The following PHF21B variants were observed in gnomAD, a reference collection of about 807,000 sequenced individuals.
PHF21B encodes PHD finger protein 4.
In PHF21B, 22 loss-of-function variants were observed where a neutral mutation model predicts 62.2. The observed-to-expected ratio is 0.35, with a 90% CI of 0.25 to 0.51. The LOEUF is 0.51. Ranked by LOEUF, PHF21B falls within the 20% of genes least tolerant of loss-of-function variation. The probability of loss-of-function intolerance (pLI) is 0.97; values close to 1 mark genes in which losing one functional copy is unlikely to be tolerated. For synonymous variants in PHF21B, 341 were observed against 314.7 expected (o/e 1.08, Z -0.88); for missense variants, 701 against 707.9 (o/e 0.99, Z 0.11).
At chr22:44,914,194 C>T (rs922342341) in intron 4 of PHF21B, 106 bp from the exon 5 acceptor site, 46 of 576,592 alleles carry the variant, frequency 8.0e-5, no homozygotes, top group Non-Finnish European at 1.2e-4. Flanking sequence ...AGAGCCTGGG[C>T]CAGGCCAACC....
chr22:44,992,563 C>A (rs1380848214), intron 2 of PHF21B, among the ~76,000 whole-genome samples: 1 of 152,260 alleles, frequency 6.6e-6, no homozygotes, highest in Non-Finnish European at 1.5e-5. Flanking sequence ...GTGTGTCTTC[C>A]ACAGGCTGGA....
intron 2 of PHF21B, among the ~76,000 whole-genome samples, chr22:44,937,933 TG>T (rs1601619701): frequency 6.6e-6 from 1 of 152,384 alleles, no homozygotes; most frequent in East Asian, 1.9e-4. Context: ...ATCGCGCAGG[TG>T]CAGAATTTTC....
chr22:44,971,540 C>T (rs2072638448), intron 2 of PHF21B: 1 of 152,598 alleles, frequency 6.6e-6, no homozygotes, highest in African/African-American at 2.4e-5. Context: ...CCTTTGCTCT[C>T]CCGGGTACCT....
chr22:44,989,508 T>C (rs1344229590), intron 2 of PHF21B: 1 of 150,784 alleles, frequency 6.6e-6, no homozygotes, highest in Non-Finnish European at 1.5e-5. Context: ...AACGAGGAAA[T>C]CAGTCCCCTG....
chr22:44,970,998 A>G (rs2072626149), intron 2 of PHF21B: 1 of 152,206 alleles, frequency 6.6e-6, no homozygotes, highest in Non-Finnish European at 1.5e-5. Flanking sequence ...TCCTCCTCCA[A>G]CCCAGCGGTG....
chr22:44,932,290 C>T (rs2071757955), intron 2 of PHF21B, among the ~76,000 whole-genome samples: 1 of 152,180 alleles, frequency 6.6e-6, no homozygotes, highest in Admixed American at 6.5e-5. Flanking sequence ...CTCTCTTGAG[C>T]CTGAGGTAAG....
intron 2 of PHF21B, among the ~76,000 whole-genome samples, chr22:44,931,590 A>C (rs112965153): frequency 6.7e-6 from 1 of 149,460 alleles, no homozygotes; most frequent in Non-Finnish European, 1.5e-5. Context: ...TTAGCAAAAA[A>C]ACACACACTC....
At chr22:44,905,401 T>TAAA (rs2071230352) in intron 5 of PHF21B, among the ~76,000 whole-genome samples, 2 of 152,246 alleles carry the variant, frequency 1.3e-5, no homozygotes, top group Non-Finnish European at 2.9e-5. Context: ...TTTTATATCC[T>TAAA]TGGTTTTTGT....
chr22:44,929,113 T>C (rs913797674), intron 2 of PHF21B, among the ~76,000 whole-genome samples: 5 of 152,252 alleles, frequency 3.3e-5, no homozygotes, highest in Non-Finnish European at 5.9e-5. Flanking sequence ...CTTGCATCTT[T>C]AGAGAACTGC....
intron 2 of PHF21B, among the ~76,000 whole-genome samples, chr22:44,990,409 G>A (rs1188315678): frequency 7.5e-6 from 1 of 133,564 alleles, no homozygotes; most frequent in Admixed American, 8.2e-5. Context: ...TGGAAGCAAG[G>A]CAAACGTGCA....
intron 5 of PHF21B, chr22:44,902,231 C>A: frequency 5.0e-6 from 1 of 200,474 alleles, no homozygotes. Context: ...GCTGCAGAAC[C>A]CCAGACACCA....
intron 2 of PHF21B, among the ~76,000 whole-genome samples, chr22:44,937,853 A>AT: frequency 6.6e-6 from 1 of 152,390 alleles, no homozygotes; most frequent in Non-Finnish European, 1.5e-5. Context: ...CTCCCCGGAC[A>AT]TGAGGCTCAA....
At chr22:44,962,134 T>C (rs1250902514) in intron 2 of PHF21B, among the ~76,000 whole-genome samples, 6 of 152,180 alleles carry the variant, frequency 3.9e-5, no homozygotes, top group Admixed American at 3.9e-4. Context: ...ACCCAGTTAA[T>C]GGGATTGCTG....
chr22:45,003,964 T>C (rs62232253), intron 2 of PHF21B, among the ~76,000 whole-genome samples: 1 of 152,168 alleles, frequency 6.6e-6, no homozygotes, highest in Non-Finnish European at 1.5e-5. Context: ...ATAGTCATTT[T>C]ATACACACAC....
chr22:44,886,309 A>G lies in PHF21B; in HGVS notation c.1198-371T>C, dbSNP rs553747556. On this transcript the variant is annotated intron_variant, in intron 10 of 12. Transcript: ENST00000313237. ...CTCGATGTCCCCCACACTATGCTGAAGTGGGGAACAGAATTCTGTTCCCTC... is the reference window on the plus strand; with the variant it reads ...CTCGATGTCCCCCACACTATGCTGAGGTGGGGAACAGAATTCTGTTCCCTC... Among the ~76,000 whole-genome samples the G allele has an allele frequency of 6.1e-5, 9 of 148,356 alleles. No individual in the cohort carries two copies. The East Asian group carries it at 1.9e-3, about 31-fold the overall frequency.
At chr22:44,977,045 G>C (rs9614998) in intron 2 of PHF21B, among the ~76,000 whole-genome samples, 98,166 of 151,978 alleles carry the variant, frequency 0.65, 34,049 homozygotes, top group East Asian at 0.86. Flanking sequence ...ACCTGGGCCC[G>C]AGAGGGTGAG....
At chr22:44,918,428 G>GCCA (rs1349412649) in intron 3 of PHF21B, among the ~76,000 whole-genome samples, 1 of 152,242 alleles carries the variant, frequency 6.6e-6, no homozygotes, top group Admixed American at 6.5e-5. Context: ...TCTGGCCTGA[G>GCCA]CCACCCCACA....
At chr22:45,008,714 C>T in intron 1 of PHF21B, 104 bp from the exon 2 acceptor site, 1 of 1,172,622 alleles carries the variant, frequency 8.5e-7, no homozygotes. Context: ...ACGGGCGGGG[C>T]CGGCCGCAGC....
intron 2 of PHF21B, among the ~76,000 whole-genome samples, chr22:44,945,241 G>A (rs1365525667): frequency 6.6e-6 from 1 of 152,226 alleles, no homozygotes; most frequent in East Asian, 1.9e-4. Context: ...AGGCCCATGG[G>A]CACCTAGCTT....
Sources: allele counts gnomAD v4.1 joint callset (sites outside exome capture counted in the v4.1 genomes callset), GRCh38; gene constraint gnomAD v4.1.1; transcripts MANE v1.5; gene names NCBI Gene and HGNC (gene_info 2026-07-23, HGNC 2026-07-21).